The following CDH4 variants were observed in gnomAD, a reference collection of about 807,000 sequenced individuals.
CDH4 encodes cadherin-4.
A neutral mutation model predicts 86.0 loss-of-function variants in CDH4; 33 were observed. The ratio of observed to expected loss-of-function variants is 0.38; its 90% CI spans 0.29 to 0.51. CDH4 has a LOEUF of 0.51. Ranked by LOEUF, CDH4 falls within the 20% of genes least tolerant of loss-of-function variation. CDH4 has a pLI of 0.86. For synonymous variants in CDH4, 555 were observed against 549.4 expected (o/e 1.01, Z -0.14); for missense variants, 1,114 against 1,307.4 (o/e 0.85, Z 2.28).
At chr20:61,265,464 C>T (rs993530286) in intron 2 of CDH4, among the ~76,000 whole-genome samples, 1 of 152,124 alleles carries the variant, frequency 6.6e-6, no homozygotes, top group African/African-American at 2.4e-5. Flanking sequence ...TTCCTTCATT[C>T]AATCTTACAC....
chr20:61,323,343 C>T (rs1489463694), intron 2 of CDH4, among the ~76,000 whole-genome samples: 3 of 152,134 alleles, frequency 2.0e-5, no homozygotes, highest in Non-Finnish European at 4.4e-5. Context: ...CATCAGCCTG[C>T]CAGGAGGGGA....
chr20:61,897,260 G>A (rs1985172580), intron 8 of CDH4, among the ~76,000 whole-genome samples: 1 of 152,018 alleles, frequency 6.6e-6, no homozygotes, highest in Non-Finnish European at 1.5e-5. Flanking sequence ...TCATTCCATT[G>A]CAAGCCCTAC....
chr20:61,826,988 T>A (rs1981352786), intron 4 of CDH4, among the ~76,000 whole-genome samples: 1 of 151,848 alleles, frequency 6.6e-6, no homozygotes, highest in Admixed American at 6.6e-5. Flanking sequence ...TGTGTGTGTG[T>A]GTGTGTGTGT....
chr20:61,808,406 A>G (rs1980251096), intron 4 of CDH4, among the ~76,000 whole-genome samples: 1 of 152,224 alleles, frequency 6.6e-6, no homozygotes, highest in African/African-American at 2.4e-5. Flanking sequence ...GCAAAGACAC[A>G]TTTATAATCA....
At chr20:61,441,215 A>T (rs1461828556) in intron 2 of CDH4, among the ~76,000 whole-genome samples, 1 of 152,224 alleles carries the variant, frequency 6.6e-6, no homozygotes, top group Non-Finnish European at 1.5e-5. Context: ...CAGGAGCCAA[A>T]CTGTCCATTC....
At chr20:61,806,398 C>T (rs557102147) in intron 4 of CDH4, among the ~76,000 whole-genome samples, 1 of 152,310 alleles carries the variant, frequency 6.6e-6, no homozygotes, top group South Asian at 2.1e-4. Context: ...CGGGGAGGAC[C>T]GTCCACTCGC....
At chr20:61,470,765 T>C (rs6121393) in intron 2 of CDH4, among the ~76,000 whole-genome samples, 7,797 of 152,244 alleles carry the variant, frequency 0.051, 711 homozygotes, top group African/African-American at 0.18. Flanking sequence ...TGTTGGTTTT[T>C]ATCAATTGCT....
chr20:61,590,139 G>A (rs1473521940), intron 2 of CDH4, among the ~76,000 whole-genome samples: 11 of 148,992 alleles, frequency 7.4e-5, no homozygotes, highest in African/African-American at 2.2e-4. Flanking sequence ...GGTTCCTCTG[G>A]CTGCTGTAGG....
intron 2 of CDH4, among the ~76,000 whole-genome samples, chr20:61,401,000 A>G (rs2085046490): frequency 6.6e-6 from 1 of 152,172 alleles, no homozygotes; most frequent in South Asian, 2.1e-4. Context: ...CAACCCTGTC[A>G]TCTTCCACCC....
chr20:61,755,440 A>C (rs1198394894), intron 3 of CDH4, among the ~76,000 whole-genome samples: 1 of 139,148 alleles, frequency 7.2e-6, no homozygotes, highest in Non-Finnish European at 1.5e-5. Context: ...CACACACCAC[A>C]CACACACACC....
At chr20:61,411,486 G>A (rs2252272) in intron 2 of CDH4, among the ~76,000 whole-genome samples, 92,224 of 151,186 alleles carry the variant, frequency 0.61, 33,161 homozygotes, top group East Asian at 1. Context: ...GTTTTCAAAT[G>A]GGCAGCCTTC....
Position 61,405,265 on chromosome 20 carries a change from C to T in CDH4, c.169+150328C>T, listed in dbSNP as rs1384759803. 2.6e-5 allele frequency among the ~76,000 whole-genome samples: 4 copies of T among 151,678 alleles called. No homozygotes were observed. The East Asian group carries it at 7.7e-4, about 29-fold the overall frequency. ...TTTTCTCCCACGCGCCGTTCTCGGG[C>T]AGTGATTCCGTAATCCCCCTCCTGT... is the stretch of plus-strand genomic sequence containing the variant. On this transcript the variant is annotated intron_variant, in intron 2 of 15. Coordinates refer to ENST00000614565, the MANE Select transcript of CDH4 (RefSeq NM_001794.5).
At chr20:61,385,344 A>G (rs1161910823) in intron 2 of CDH4, among the ~76,000 whole-genome samples, 1 of 151,914 alleles carries the variant, frequency 6.6e-6, no homozygotes. Flanking sequence ...CCCACAACCA[A>G]CCCCTTCCCT....
chr20:61,477,701 T>G (rs2085546793), intron 2 of CDH4, among the ~76,000 whole-genome samples: 1 of 152,196 alleles, frequency 6.6e-6, no homozygotes, highest in Non-Finnish European at 1.5e-5. Context: ...GGCAGCTTTC[T>G]CTCCTTCCAG....
At chr20:61,629,145 A>G (rs1186791926) in intron 2 of CDH4, among the ~76,000 whole-genome samples, 1 of 152,166 alleles carries the variant, frequency 6.6e-6, no homozygotes, top group Non-Finnish European at 1.5e-5. Flanking sequence ...CGCCGTGGAG[A>G]GCAGAGAGGG....
chr20:61,412,755 A>G (rs942399325), intron 2 of CDH4, among the ~76,000 whole-genome samples: 2 of 152,182 alleles, frequency 1.3e-5, no homozygotes, highest in Admixed American at 6.5e-5. Flanking sequence ...CTCCGGCCTC[A>G]TGGACATCTT....
intron 2 of CDH4, among the ~76,000 whole-genome samples, chr20:61,614,095 G>A (rs1025862686): frequency 4.6e-5 from 7 of 152,044 alleles, no homozygotes; most frequent in Non-Finnish European, 1.0e-4. Context: ...TTCCTGGCTC[G>A]GCTCCCAGAG....
chr20:61,608,716 C>T (rs2086662857), intron 2 of CDH4, among the ~76,000 whole-genome samples: 1 of 152,252 alleles, frequency 6.6e-6, no homozygotes, highest in Non-Finnish European at 1.5e-5. Context: ...CCTGCACTTC[C>T]TCATTGCTCT....
At position 61,516,138 on chromosome 20, in the gene CDH4, T is replaced by C. The variant is rs2427157; in HGVS notation, c.170-227425T>C. On this transcript the variant is annotated intron_variant, in intron 2 of 15. Coordinates refer to ENST00000614565, the MANE Select transcript of CDH4 (RefSeq NM_001794.5). This position sits in a 1 kb window ranked among gnomAD's most constrained non-coding sequence, Gnocchi z 4.0. ...GGCAGAGGGGCAGCACAGGACTTAA[T>C]TCTGCAGCCAGGCCCTTGGGCCGTG... Among the ~76,000 whole-genome samples the C allele has an allele frequency of 0.6, 90,602 of 152,026 alleles. 27,370 individuals are homozygous for C. Among genetic ancestry groups the C allele is most frequent in the African/African-American group, 0.69 (28,460 of 41,414 alleles).
Sources: allele counts gnomAD v4.1 joint callset (sites outside exome capture counted in the v4.1 genomes callset), GRCh38; gene constraint gnomAD v4.1.1; non-coding constraint Gnocchi (gnomAD v3.1); transcripts MANE v1.5; gene names NCBI Gene and HGNC (gene_info 2026-07-23, HGNC 2026-07-21).